FAM114A2: variants seen among roughly 807,000 people sequenced by gnomAD.
The protein encoded by FAM114A2 is protein FAM114A2.
In FAM114A2, 53 loss-of-function variants were observed where a neutral mutation model predicts 58.4. That is an observed-to-expected ratio of 0.91 (90% CI 0.73 to 1.14). The LOEUF is 1.14. Ranked by LOEUF, FAM114A2 falls within the 50% of genes most tolerant of loss-of-function variation. The probability of loss-of-function intolerance (pLI) is 0.00; values close to 1 mark genes in which losing one functional copy is unlikely to be tolerated. For synonymous variants in FAM114A2, 228 were observed against 211.4 expected (o/e 1.08, Z -0.68); for missense variants, 601 against 581.1 (o/e 1.03, Z -0.35).
intron 8 of FAM114A2, among the ~76,000 whole-genome samples, 158 bp from the exon 9 acceptor site, chr5:154,011,478 C>T (rs1003923681): frequency 2.6e-5 from 4 of 152,116 alleles, no homozygotes; most frequent in African/African-American, 9.7e-5. Flanking sequence ...TGCTTTAGTG[C>T]TTATAGAATC....
At chr5:154,014,629 G>A (rs567145117) in intron 8 of FAM114A2, among the ~76,000 whole-genome samples, 3 of 152,288 alleles carry the variant, frequency 2.0e-5, no homozygotes, top group South Asian at 2.1e-4. Context: ...CAGGGGTAGA[G>A]GAAGCAGTAG....
chr5:153,997,923 A>C, intron 11 of FAM114A2, 48 bp from the exon 12 acceptor site: 1 of 1,116,782 alleles, frequency 9.0e-7, no homozygotes. Flanking sequence ...TTTTTAAAAA[A>C]ATAAGTTATA....
chr5:153,992,911 G>A lies in FAM114A2; in HGVS notation c.*65C>T. ...TAACCCCACTCCTTCATTTCTGCAGGAGTAGCCAGAATAAGGTGGCATTCC... is the reference window on the plus strand; with the variant it reads ...TAACCCCACTCCTTCATTTCTGCAGAAGTAGCCAGAATAAGGTGGCATTCC... On this transcript the variant is annotated 3_prime_UTR_variant, in exon 14 of 14. Coordinates refer to ENST00000351797, the MANE Select transcript of FAM114A2 (RefSeq NM_018691.4). 2.1e-6 allele frequency: 3 copies of A among 1,462,458 alleles called. No homozygotes were observed. Among genetic ancestry groups the A allele is most frequent in the Non-Finnish European group, 2.8e-6 (3 of 1,061,998 alleles). The allele number at this position is 1,462,458 out of a possible 1,614,324, so 90.6% of individuals were successfully genotyped here. A position where few individuals can be genotyped will look rare whatever the true frequency, so the allele number is the denominator to read the frequency against.
At chr5:154,016,450 G>A (rs1395913668) in intron 8 of FAM114A2, among the ~76,000 whole-genome samples, 2 of 152,082 alleles carry the variant, frequency 1.3e-5, no homozygotes, top group African/African-American at 2.4e-5. Flanking sequence ...AAGGGATTGG[G>A]GCCCTATCTT....
intron 8 of FAM114A2, among the ~76,000 whole-genome samples, chr5:154,025,549 C>A (rs574583828): frequency 6.6e-6 from 1 of 152,244 alleles, no homozygotes; most frequent in African/African-American, 2.4e-5. Flanking sequence ...GTCTACAGAC[C>A]ACACTTTGTT....
rs551272931 is a variant in FAM114A2, at chr5:154,021,570, C to A, written c.913+4829G>T. Among the ~76,000 whole-genome samples, 5 of 152,252 alleles carry A rather than the reference C, an allele frequency of 3.3e-5. 1 individual carries two copies. In the South Asian group the frequency reaches 1.0e-3, roughly 32 times the overall value. On this transcript the variant is annotated intron_variant, in intron 8 of 13. Coordinates refer to ENST00000351797, the MANE Select transcript of FAM114A2 (RefSeq NM_018691.4). ...CAATTGCTTCAAAGAGAATAAAATA[C>A]GTAAGAATCCAACTTACAAGGGATG...
intron 4 of FAM114A2, among the ~76,000 whole-genome samples, chr5:154,032,625 C>G (rs7731081): frequency 0.65 from 99,069 of 152,006 alleles, 32,640 homozygotes; most frequent in East Asian, 0.88. Context: ...GCTTGGGACT[C>G]CTGGAAAACA....
intron 8 of FAM114A2, among the ~76,000 whole-genome samples, chr5:154,022,151 G>T (rs1047663730): frequency 6.6e-6 from 1 of 151,682 alleles, no homozygotes; most frequent in Non-Finnish European, 1.5e-5. Flanking sequence ...ATTCAAGATG[G>T]ATTAGACTTA....
chr5:153,995,952 T>A lies in FAM114A2; in HGVS notation c.1330-980A>T, dbSNP rs1410871813. ...AGTTTGAATTTTATCAAGGTCTATA[T>A]TTCCATTATAGGTCTCAGAAGATAG... is the stretch of plus-strand genomic sequence containing the variant. On this transcript the variant is annotated intron_variant, in intron 12 of 13. Transcript: ENST00000351797. Among the ~76,000 whole-genome samples the A allele has an allele frequency of 6.6e-5, 10 of 152,174 alleles. No homozygotes were observed. The South Asian group carries it at 1.4e-3, about 22-fold the overall frequency.
chr5:154,013,230 T>C (rs1422168505), intron 8 of FAM114A2, among the ~76,000 whole-genome samples: 1 of 152,164 alleles, frequency 6.6e-6, no homozygotes, highest in Non-Finnish European at 1.5e-5. Flanking sequence ...GAGACTGGTT[T>C]AGTGCTTTGG....
chr5:154,018,401 G>A (rs1026257314), intron 8 of FAM114A2, among the ~76,000 whole-genome samples: 8 of 151,906 alleles, frequency 5.3e-5, no homozygotes, highest in Admixed American at 5.2e-4. Flanking sequence ...CAAGCAGCAA[G>A]ACTGAAATGG....
At chr5:154,036,568 C>T (rs1772573713) in intron 1 of FAM114A2, among the ~76,000 whole-genome samples, 1 of 152,080 alleles carries the variant, frequency 6.6e-6, no homozygotes. Flanking sequence ...CATATTAAAA[C>T]TAAGGCAGAC....
chr5:154,014,730 GA>G (rs1252384083), intron 8 of FAM114A2, among the ~76,000 whole-genome samples: 1 of 152,172 alleles, frequency 6.6e-6, no homozygotes, highest in African/African-American at 2.4e-5. Context: ...GAGGCACTGG[GA>G]AAAGGCCACA....
intron 5 of FAM114A2, among the ~76,000 whole-genome samples, chr5:154,029,029 T>A (rs1313097095): frequency 1.3e-5 from 2 of 152,190 alleles, no homozygotes; most frequent in Non-Finnish European, 2.9e-5. Context: ...AAACTAGCTA[T>A]CTATCCTCAT....
chr5:154,021,612 G>A (rs1478245045), intron 8 of FAM114A2, among the ~76,000 whole-genome samples: 1 of 152,160 alleles, frequency 6.6e-6, no homozygotes, highest in Non-Finnish European at 1.5e-5. Flanking sequence ...ACCTCTTCAA[G>A]GAGAACCACA....
At chr5:154,011,136 T>A in intron 9 of FAM114A2, 105 bp downstream of exon 9, 1 of 837,596 alleles carries the variant, frequency 1.2e-6, no homozygotes, top group Non-Finnish European at 1.9e-6. Context: ...AGAATATACC[T>A]TCGATTTTGG....
intron 9 of FAM114A2, among the ~76,000 whole-genome samples, chr5:154,007,599 A>T (rs960081262): frequency 1.6e-4 from 25 of 152,222 alleles, no homozygotes; most frequent in African/African-American, 6.0e-4. Context: ...TGCCAGACAG[A>T]TAAGGAGTTA....
In FAM114A2 at chr5:153,990,304, G is replaced by A. The variant is rs1769206220; in HGVS notation, c.*2672C>T. 6.6e-6 allele frequency: 1 copy of A among 152,002 alleles called. No homozygotes were observed. Among genetic ancestry groups the A allele is most frequent in the Admixed American group, 6.6e-5 (1 of 15,262 alleles). 9.4% of individuals were successfully genotyped at this position (152,002 alleles called of 1,614,324 possible). A position where few individuals can be genotyped will look rare whatever the true frequency, so the allele number is the denominator to read the frequency against. On this transcript the variant is annotated 3_prime_UTR_variant, in exon 14 of 14. Coordinates refer to ENST00000351797, the MANE Select transcript of FAM114A2 (RefSeq NM_018691.4). ...CTATAAAATAGCTCTCCCTCAAAAA[G>A]GTCTTTCACTAAAAACAAGTACAAA...
chr5:154,030,762 T>C (rs1772136152), intron 4 of FAM114A2, among the ~76,000 whole-genome samples: 1 of 152,210 alleles, frequency 6.6e-6, no homozygotes, highest in Admixed American at 6.5e-5. Flanking sequence ...GTGTTTTTGC[T>C]TAAATACTGC....
Sources: gnomAD v4.1 joint callset for allele counts (sites outside exome capture counted in the v4.1 genomes callset) on GRCh38, gnomAD v4.1.1 for gene constraint, MANE v1.5 for transcripts, NCBI Gene and HGNC (gene_info 2026-07-23, HGNC 2026-07-21) for gene names.